RIT2: variants seen among roughly 807,000 people sequenced by gnomAD.
RIT2 encodes GTP-binding protein Rit2.
RIT2 carries 24 observed loss-of-function variants against 23.7 expected under a neutral mutation model. That is an observed-to-expected ratio of 1.01 (90% CI 0.73 to 1.43). The LOEUF (loss-of-function observed/expected upper bound fraction) is 1.43. Ranked by LOEUF, RIT2 falls within the 40% of genes most tolerant of loss-of-function variation. The pLI, the probability that RIT2 is intolerant of heterozygous loss-of-function variation, is 0.00. For missense variants in RIT2, 236 were observed against 266.9 expected, an observed-to-expected ratio of 0.88 and a Z score of 0.81; for synonymous variants, 107 against 91.1, an observed-to-expected ratio of 1.17 and a Z score of -0.99.
chr18:42,809,969 T>G lies in RIT2; in HGVS notation c.427-66249A>C, dbSNP rs574843992. Among the ~76,000 whole-genome samples, 130 of 146,174 alleles carry G rather than the reference T, an allele frequency of 8.9e-4. No homozygotes were observed. The Middle Eastern group carries it at 0.012, about 13-fold the overall frequency. ...TGATATACATAATTTGTATATGTTA[T>G]ATATAATTTGTATATGTTATATATA... On this transcript the variant is annotated intron_variant, in intron 4 of 4. Coordinates refer to ENST00000326695, the MANE Select transcript of RIT2 (RefSeq NM_002930.4).
intron 1 of RIT2, among the ~76,000 whole-genome samples, chr18:43,051,052 C>T (rs1912368601): frequency 6.6e-6 from 1 of 151,984 alleles, no homozygotes; most frequent in African/African-American, 2.4e-5. Flanking sequence ...TCCAGAGGCT[C>T]GGACTTACAA....
intron 4 of RIT2, among the ~76,000 whole-genome samples, chr18:42,755,346 T>A (rs1913137679): frequency 6.6e-6 from 1 of 152,126 alleles, no homozygotes. Context: ...CAGTACAAAA[T>A]CTTCTTGCCT....
intron 2 of RIT2, among the ~76,000 whole-genome samples, chr18:43,003,000 G>C (rs918390382): frequency 2.6e-5 from 4 of 151,820 alleles, no homozygotes; most frequent in Non-Finnish European, 5.9e-5. Context: ...TGAAGATAGG[G>C]GGCAGGTAGG....
intron 4 of RIT2, among the ~76,000 whole-genome samples, chr18:42,813,136 T>C (rs1297004012): frequency 2.0e-5 from 3 of 152,212 alleles, no homozygotes; most frequent in Non-Finnish European, 4.4e-5. Context: ...AAAAAATCAT[T>C]GGCAGATAGT....
At chr18:43,046,008 G>C (rs182124941) in intron 1 of RIT2, among the ~76,000 whole-genome samples, 2 of 151,962 alleles carry the variant, frequency 1.3e-5, no homozygotes, top group Admixed American at 1.3e-4. Context: ...TATTTTAACT[G>C]TATTTTTCTT....
chr18:43,021,940 C>T (rs1267990464), intron 2 of RIT2, among the ~76,000 whole-genome samples: 1 of 152,098 alleles, frequency 6.6e-6, no homozygotes, highest in Non-Finnish European at 1.5e-5. Flanking sequence ...TATAATCCAG[C>T]AATTTCGCCA....
At chr18:42,991,134 G>T (rs901949554) in intron 2 of RIT2, among the ~76,000 whole-genome samples, 1 of 152,138 alleles carries the variant, frequency 6.6e-6, no homozygotes, top group African/African-American at 2.4e-5. Context: ...TGTTAAGTTT[G>T]TAATGCAGCA....
intron 1 of RIT2, among the ~76,000 whole-genome samples, chr18:43,107,010 A>T (rs997946912): frequency 6.6e-6 from 1 of 152,200 alleles, no homozygotes; most frequent in Non-Finnish European, 1.5e-5. Context: ...TGCACCTTCC[A>T]TGTCTGTGAG....
intron 3 of RIT2, among the ~76,000 whole-genome samples, chr18:42,953,205 A>T (rs1909894452): frequency 6.6e-6 from 1 of 152,142 alleles, no homozygotes; most frequent in Non-Finnish European, 1.5e-5. Context: ...ATGTTTTAAA[A>T]GAGAGAGAAA....
chr18:43,069,624 A>T (rs1008024915), intron 1 of RIT2, among the ~76,000 whole-genome samples: 1 of 152,136 alleles, frequency 6.6e-6, no homozygotes, highest in Non-Finnish European at 1.5e-5. Context: ...GGAAAATATC[A>T]ATCAAATCCT....
At chr18:43,034,491 C>T (rs530426502) in intron 1 of RIT2, among the ~76,000 whole-genome samples, 1 of 152,134 alleles carries the variant, frequency 6.6e-6, no homozygotes, top group East Asian at 1.9e-4. Flanking sequence ...TGTAATATTT[C>T]TATTGTAAAG....
At chr18:43,000,167 G>A (rs1404312731) in intron 2 of RIT2, among the ~76,000 whole-genome samples, 1 of 152,030 alleles carries the variant, frequency 6.6e-6, no homozygotes, top group Non-Finnish European at 1.5e-5. Flanking sequence ...GAATTACTCT[G>A]TCTACACTGA....
At chr18:42,773,422 A>C (rs1481602106) in intron 4 of RIT2, among the ~76,000 whole-genome samples, 3 of 152,230 alleles carry the variant, frequency 2.0e-5, no homozygotes. Flanking sequence ...CTAGATCATG[A>C]GTGTGGCAAA....
chr18:42,802,428 AC>A (rs1905565216), intron 4 of RIT2, among the ~76,000 whole-genome samples: 1 of 152,304 alleles, frequency 6.6e-6, no homozygotes, highest in Admixed American at 6.5e-5. Context: ...TGATAAGATA[AC>A]ATCTGTAGTC....
chr18:42,820,841 C>T (rs897237092), intron 4 of RIT2, among the ~76,000 whole-genome samples: 2 of 152,064 alleles, frequency 1.3e-5, no homozygotes, highest in African/African-American at 2.4e-5. Flanking sequence ...GTGTATGTCC[C>T]TTTCAAATCT....
At chr18:42,940,245 T>C (rs1909564377) in intron 3 of RIT2, among the ~76,000 whole-genome samples, 1 of 123,348 alleles carries the variant, frequency 8.1e-6, no homozygotes, top group South Asian at 2.2e-4. Context: ...ACTATATATA[T>C]ATATATATAT....
At chr18:42,990,501 C>T (rs752726335) in intron 2 of RIT2, among the ~76,000 whole-genome samples, 2 of 152,156 alleles carry the variant, frequency 1.3e-5, no homozygotes, top group Non-Finnish European at 2.9e-5. Flanking sequence ...CAGTCAGAAA[C>T]CGTTACACTC....
intron 2 of RIT2, among the ~76,000 whole-genome samples, chr18:42,991,211 T>C (rs1910839458): frequency 6.6e-6 from 1 of 152,142 alleles, no homozygotes; most frequent in Non-Finnish European, 1.5e-5. Context: ...CCCTTTTGCA[T>C]AGAGGTTACA....
chr18:43,111,630 G>A (rs144383057), intron 1 of RIT2, among the ~76,000 whole-genome samples: 2 of 152,150 alleles, frequency 1.3e-5, no homozygotes, highest in African/African-American at 4.8e-5. Context: ...TACTAATTTA[G>A]CATAAACCCC....
Sources: allele counts gnomAD v4.1 joint callset (sites outside exome capture counted in the v4.1 genomes callset), GRCh38; gene constraint gnomAD v4.1.1; transcripts MANE v1.5; gene names NCBI Gene and HGNC (gene_info 2026-07-23, HGNC 2026-07-21).